The following TNKS variants were observed in gnomAD, a reference collection of about 807,000 sequenced individuals.
The protein encoded by TNKS is tankyrase, also known as poly [ADP-ribose] polymerase tankyrase-1.
TNKS carries 72 observed loss-of-function variants against 135.8 expected under a neutral mutation model. That is an observed-to-expected ratio of 0.53 (90% CI 0.44 to 0.64). The LOEUF is 0.64. Among genes scored for constraint, TNKS ranks in the 30% least tolerant of loss-of-function variants. The probability of loss-of-function intolerance (pLI) is 0.00; values close to 1 mark genes in which losing one functional copy is unlikely to be tolerated. For missense variants in TNKS, 1,769 were observed against 1,674.0 expected, an observed-to-expected ratio of 1.06 and a Z score of -0.99; for synonymous variants, 849 against 649.3, an observed-to-expected ratio of 1.31 and a Z score of -4.68.
intron 3 of TNKS, among the ~76,000 whole-genome samples, chr8:9,634,785 A>T (rs1349385613): frequency 6.6e-6 from 1 of 152,076 alleles, no homozygotes; most frequent in East Asian, 1.9e-4. Flanking sequence ...CATGCCGTTT[A>T]TTAAAAGACA....
intron 8 of TNKS, among the ~76,000 whole-genome samples, chr8:9,707,625 G>C (rs1804111536): frequency 6.6e-6 from 1 of 152,068 alleles, no homozygotes; most frequent in South Asian, 2.1e-4. Context: ...ACATGCAAAT[G>C]TTTTTTAAAT....
chr8:9,711,275 C>T (rs147356283), intron 11 of TNKS, among the ~76,000 whole-genome samples: 2 of 152,272 alleles, frequency 1.3e-5, no homozygotes, highest in East Asian at 1.9e-4. Context: ...ACTAGGTCCA[C>T]GTGTCAGCCA....
chr8:9,756,323 T>C (rs1806832516), intron 20 of TNKS, among the ~76,000 whole-genome samples: 1 of 152,046 alleles, frequency 6.6e-6, no homozygotes, highest in Non-Finnish European at 1.5e-5. Context: ...TTAAAACTAG[T>C]TTTCTCTCCC....
chr8:9,646,222 A>G (rs1354774330), intron 3 of TNKS, among the ~76,000 whole-genome samples: 2 of 152,030 alleles, frequency 1.3e-5, no homozygotes, highest in East Asian at 3.8e-4. Context: ...AGTATTTTAA[A>G]AAGATTTCCT....
chr8:9,567,863 A>G (rs2129050754), intron 1 of TNKS, among the ~76,000 whole-genome samples: 1 of 152,340 alleles, frequency 6.6e-6, no homozygotes, highest in Non-Finnish European at 1.5e-5. Context: ...GTTTGAAAGT[A>G]TGTAATGCCA....
At chr8:9,618,499 C>G (rs1214479494) in intron 3 of TNKS, among the ~76,000 whole-genome samples, 2 of 152,090 alleles carry the variant, frequency 1.3e-5, no homozygotes, top group African/African-American at 2.4e-5. Flanking sequence ...TGAGGGCTTT[C>G]TTTTGTTTTT....
In TNKS at chr8:9,781,114, C is replaced by T. The variant is rs1808442187; in HGVS notation, c.*4378C>T. 6.6e-6 allele frequency: 1 copy of T among 152,218 alleles called. No homozygotes were observed. Among genetic ancestry groups the T allele is most frequent in the Non-Finnish European group, 1.5e-5 (1 of 68,046 alleles). The allele number at this position is 152,218 out of a possible 1,614,324, so 9.4% of individuals were successfully genotyped here. On this transcript the variant is annotated 3_prime_UTR_variant, in exon 27 of 27. Transcript: ENST00000310430. ...TGGTCGTAGTATGACGAGTTTTATA[C>T]ATTGCCAGAGAGTTCTGCCTCCTCT...
intron 1 of TNKS, among the ~76,000 whole-genome samples, chr8:9,563,738 C>T (rs1272231255): frequency 3.9e-5 from 6 of 152,028 alleles, no homozygotes; most frequent in African/African-American, 1.4e-4. Context: ...TCTCTTTTAG[C>T]TAGTGTTAAA....
intron 1 of TNKS, among the ~76,000 whole-genome samples, chr8:9,573,547 C>T (rs948014652): frequency 2.0e-5 from 3 of 152,146 alleles, no homozygotes; most frequent in Admixed American, 2.0e-4. Flanking sequence ...GAGGCAACTT[C>T]AGGCTAAATT....
chr8:9,740,536 G>C, intron 17 of TNKS, among the ~76,000 whole-genome samples: 1 of 152,094 alleles, frequency 6.6e-6, no homozygotes, highest in Non-Finnish European at 1.5e-5. Flanking sequence ...TACTTTTAAG[G>C]AAAGCAACAA....
intron 23 of TNKS, 86 bp from the exon 24 acceptor site, chr8:9,765,605 AC>A (rs1467701772): frequency 9.1e-7 from 1 of 1,103,328 alleles, no homozygotes; most frequent in Non-Finnish European, 1.3e-6. Context: ...TAAAAATTGA[AC>A]CTTCCTAAAA....
intron 22 of TNKS, among the ~76,000 whole-genome samples, chr8:9,763,518 T>TACA (rs1461841646): frequency 6.6e-6 from 1 of 152,186 alleles, no homozygotes; most frequent in Non-Finnish European, 1.5e-5. Flanking sequence ...AGGAGCCTAT[T>TACA]ACAACTATTT....
intron 3 of TNKS, among the ~76,000 whole-genome samples, chr8:9,617,962 T>C (rs58458097): frequency 0.082 from 12,453 of 150,948 alleles, 552 homozygotes; most frequent in South Asian, 0.17. Context: ...AGGCAATTAA[T>C]AAAGTGACAA....
In TNKS at chr8:9,607,063, A is replaced by T. The variant is rs142949273; in HGVS notation, c.899-8519A>T. Reference sequence around the variant, plus strand: ...TGTTTAGTCTCTTTTTGCATTCTTAAAAATTATTGAGCGTTCCACAGAGCT... The same window carrying T: ...TGTTTAGTCTCTTTTTGCATTCTTATAAATTATTGAGCGTTCCACAGAGCT... On this transcript the variant is annotated intron_variant, in intron 2 of 26. Transcript: ENST00000310430. 2.5e-3 allele frequency among the ~76,000 whole-genome samples: 379 copies of T among 152,292 alleles called. 3 individuals are homozygous for T. Among genetic ancestry groups the T allele is most frequent in the African/African-American group, 8.9e-3 (368 of 41,558 alleles).
At chr8:9,641,594 G>A (rs1373457524) in intron 3 of TNKS, among the ~76,000 whole-genome samples, 1 of 145,242 alleles carries the variant, frequency 6.9e-6, no homozygotes, top group Non-Finnish European at 1.5e-5. Flanking sequence ...AAACTCTAGT[G>A]CCATTGAGTA....
intron 2 of TNKS, among the ~76,000 whole-genome samples, chr8:9,610,638 C>G (rs1312673435): frequency 6.6e-6 from 1 of 152,000 alleles, no homozygotes; most frequent in East Asian, 1.9e-4. Flanking sequence ...TTTATGTAAT[C>G]CTATTTTTGA....
intron 3 of TNKS, among the ~76,000 whole-genome samples, chr8:9,662,485 T>G (rs1801767398): frequency 1.3e-5 from 2 of 152,234 alleles, no homozygotes; most frequent in African/African-American, 4.8e-5. Context: ...CTCAGCAAAC[T>G]ATCGCAAGGA....
intron 2 of TNKS, among the ~76,000 whole-genome samples, chr8:9,595,143 A>C (rs1174493380): frequency 6.7e-6 from 1 of 149,904 alleles, no homozygotes; most frequent in Non-Finnish European, 1.5e-5. Flanking sequence ...TTTTTTTGAG[A>C]CGGAGTCTTG....
chr8:9,665,779 T>A (rs1295988796), intron 3 of TNKS, among the ~76,000 whole-genome samples: 1 of 152,120 alleles, frequency 6.6e-6, no homozygotes, highest in East Asian at 1.9e-4. Flanking sequence ...CTCTCGTGAA[T>A]TCCCATTATT....
Sources: allele counts gnomAD v4.1 joint callset (sites outside exome capture counted in the v4.1 genomes callset), GRCh38; gene constraint gnomAD v4.1.1; transcripts MANE v1.5; gene names NCBI Gene and HGNC (gene_info 2026-07-23, HGNC 2026-07-21).